The following WRN variants were observed in gnomAD, a reference collection of about 807,000 sequenced individuals.
WRN encodes WRN RecQ like helicase.
A neutral mutation model predicts 180.7 loss-of-function variants in WRN; 149 were observed. The ratio of observed to expected loss-of-function variants is 0.82; its 90% CI spans 0.72 to 0.94. The LOEUF (loss-of-function observed/expected upper bound fraction) is 0.94. WRN is among the 40% of genes least tolerant of loss of function. The pLI is 0.00. For missense variants in WRN, 1,661 were observed against 1,700.1 expected, an observed-to-expected ratio of 0.98 and a Z score of 0.40; for synonymous variants, 548 against 568.9, an observed-to-expected ratio of 0.96 and a Z score of 0.52.
At chr8:31,048,212 G>C (rs530612801) in intron 1 of WRN, among the ~76,000 whole-genome samples, 6 of 152,186 alleles carry the variant, frequency 3.9e-5, no homozygotes, top group Non-Finnish European at 8.8e-5. Flanking sequence ...TGAATGGGTA[G>C]TTTTATTTAG....
intron 7 of WRN, among the ~76,000 whole-genome samples, chr8:31,075,557 A>C (rs1358459159): frequency 1.5e-5 from 2 of 130,450 alleles, no homozygotes; most frequent in East Asian, 4.1e-4. Flanking sequence ...CTAGAAATAC[A>C]AAAAAAAAAA....
intron 14 of WRN, 25 bp downstream of exon 14, chr8:31,090,557 A>G: frequency 6.3e-7 from 1 of 1,598,858 alleles, no homozygotes; most frequent in Non-Finnish European, 8.6e-7. Context: ...AGCAAAACCT[A>G]ATCCTTTAAA....
rs548154355 is a variant in WRN, at chr8:31,175,837, A to G, written c.*2735A>G. ...GCTGCTGTTCTCAGTTTTTAAAAAT[A>G]TGTTTTTTAAAAGTATTTATGTTAA... On this transcript the variant is annotated 3_prime_UTR_variant, in exon 35 of 35. Transcript: ENST00000298139. Among the ~76,000 whole-genome samples, 1 of 151,958 alleles carries G rather than the reference A, an allele frequency of 6.6e-6. No individual in the cohort carries two copies. Among genetic ancestry groups the G allele is most frequent in the South Asian group, 2.1e-4 (1 of 4,820 alleles).
In WRN at chr8:31,111,819, T is replaced by C. The variant is rs375570890; in HGVS notation, c.2273+20T>C. ...AACAAGGTAAGGATTTAATGGTTGA[T>C]GAATTTTGGTAATGATTTCCTTTTT... On this transcript the variant is annotated intron_variant, in intron 19 of 34. Transcript: ENST00000298139. 2 of 1,610,828 alleles carry C rather than the reference T, an allele frequency of 1.2e-6. No individual in the cohort carries two copies. The highest frequency in any genetic ancestry group is 4.5e-5 in the East Asian group (2 of 44,838).
chr8:31,045,915 A>G (rs903387323), intron 1 of WRN, among the ~76,000 whole-genome samples: 3 of 152,108 alleles, frequency 2.0e-5, no homozygotes, highest in Admixed American at 6.6e-5. Flanking sequence ...TAATATATTT[A>G]CAGTTTTGGG....
chr8:31,122,001 A>C (rs1801741745), intron 21 of WRN, among the ~76,000 whole-genome samples: 1 of 151,976 alleles, frequency 6.6e-6, no homozygotes, highest in East Asian at 1.9e-4. Flanking sequence ...ATTTTGTTAA[A>C]GGTACTGAGG....
chr8:31,162,947 C>G (rs556346300), intron 33 of WRN, among the ~76,000 whole-genome samples: 1 of 152,296 alleles, frequency 6.6e-6, no homozygotes, highest in South Asian at 2.1e-4. Flanking sequence ...AAAGTACCCT[C>G]TAAATATGAT....
At chr8:31,163,957 A>G (rs1379805276) in intron 33 of WRN, among the ~76,000 whole-genome samples, 2 of 151,886 alleles carry the variant, frequency 1.3e-5, no homozygotes, top group Non-Finnish European at 2.9e-5. Context: ...GGCTCAAGCA[A>G]GCCTTCCACT....
At chr8:31,168,793 T>C (rs1253479889) in intron 34 of WRN, among the ~76,000 whole-genome samples, 4 of 152,206 alleles carry the variant, frequency 2.6e-5, no homozygotes, top group African/African-American at 7.2e-5. Flanking sequence ...TATTTCATTT[T>C]ATAATTATGA....
chr8:31,070,847 C>CCAGCCTGG (rs1812887615), intron 7 of WRN, among the ~76,000 whole-genome samples: 2 of 151,996 alleles, frequency 1.3e-5, no homozygotes, highest in Admixed American at 6.6e-5. Context: ...GAGTTTGAGA[C>CCAGCCTGG]CAGCCTGGCC....
chr8:31,147,974 AC>A (rs1239008800), intron 30 of WRN, among the ~76,000 whole-genome samples: 1 of 146,538 alleles, frequency 6.8e-6, no homozygotes, highest in Non-Finnish European at 1.5e-5. Context: ...TGCAGCCTTG[AC>A]CCCCTGGACT....
At chr8:31,034,162 C>G (rs924304101) in intron 1 of WRN, among the ~76,000 whole-genome samples, 189 bp downstream of exon 1, 1 of 152,152 alleles carries the variant, frequency 6.6e-6, no homozygotes, top group Non-Finnish European at 1.5e-5. Context: ...AGGCGTCTCT[C>G]GGAGCTTCCG....
intron 34 of WRN, among the ~76,000 whole-genome samples, chr8:31,172,364 G>A (rs189251420): frequency 2.6e-5 from 4 of 152,254 alleles, no homozygotes; most frequent in Admixed American, 2.0e-4. Context: ...TCTTTGGCAC[G>A]TGAGCTGCTG....
intron 8 of WRN, among the ~76,000 whole-genome samples, chr8:31,078,574 T>C (rs1005590817): frequency 6.6e-6 from 1 of 152,144 alleles, no homozygotes; most frequent in African/African-American, 2.4e-5. Flanking sequence ...CTATAAAAAT[T>C]AGAACTAAGA....
At chr8:31,081,433 T>G in intron 9 of WRN, 137 bp downstream of exon 9, 1 of 919,986 alleles carries the variant, frequency 1.1e-6, no homozygotes, top group Non-Finnish European at 1.6e-6. Context: ...GTTCTGTTAT[T>G]GTAGTGTGAA....
chr8:31,136,632 T>C (rs1802406894), intron 24 of WRN, among the ~76,000 whole-genome samples: 1 of 152,028 alleles, frequency 6.6e-6, no homozygotes, highest in Admixed American at 6.6e-5. Context: ...GACCAGGAGT[T>C]CAAGATGAGC....
intron 33 of WRN, among the ~76,000 whole-genome samples, chr8:31,164,616 ACT>A (rs1323035457): frequency 2.0e-5 from 3 of 151,926 alleles, no homozygotes; most frequent in African/African-American, 7.2e-5. Flanking sequence ...ATAATTTTAA[ACT>A]CTGTTTATGG....
At chr8:31,055,867 C>T (rs1260018443) in intron 1 of WRN, among the ~76,000 whole-genome samples, 1 of 152,126 alleles carries the variant, frequency 6.6e-6, no homozygotes, top group Non-Finnish European at 1.5e-5. Context: ...ACCTTTACCT[C>T]GTCAGGAATT....
chr8:31,095,589 TAC>T (rs1813931174), intron 16 of WRN, among the ~76,000 whole-genome samples: 1 of 152,212 alleles, frequency 6.6e-6, no homozygotes, highest in Admixed American at 6.5e-5. Context: ...AGGTATTGAT[TAC>T]AGTTTATGTA....
Sources: allele counts gnomAD v4.1 joint callset (sites outside exome capture counted in the v4.1 genomes callset), GRCh38; gene constraint gnomAD v4.1.1; transcripts MANE v1.5; gene names NCBI Gene and HGNC (gene_info 2026-07-23, HGNC 2026-07-21).